The following TMCO6 variants were observed in gnomAD, a reference collection of about 807,000 sequenced individuals.
TMCO6 encodes transmembrane and coiled-coil domain-containing protein 6.
In TMCO6, 47 loss-of-function variants were observed where a neutral mutation model predicts 61.8. The ratio of observed to expected loss-of-function variants is 0.76; its 90% CI spans 0.60 to 0.97. The LOEUF is 0.97. TMCO6 is among the 50% of genes least tolerant of loss of function. The probability of loss-of-function intolerance (pLI) is 0.00; values close to 1 mark genes in which losing one functional copy is unlikely to be tolerated. For missense variants in TMCO6, 557 were observed against 601.6 expected (o/e 0.93, Z 0.78); for synonymous variants, 261 against 254.2 (o/e 1.03, Z -0.25).
intron 7 of TMCO6, 144 bp downstream of exon 7, chr5:140,643,185 C>T (rs1183660454): frequency 1.7e-6 from 2 of 1,191,908 alleles, no homozygotes; most frequent in Non-Finnish European, 2.3e-6. Context: ...AGGAGACCCA[C>T]AGACCTTAGC....
downstream of TMCO6, among the ~76,000 whole-genome samples, chr5:140,646,301 G>A (rs543839584): frequency 3.3e-5 from 5 of 152,018 alleles, no homozygotes; most frequent in Admixed American, 6.6e-5. Context: ...GTGAACCACC[G>A]CACCCAGCTG....
intron 2 of TMCO6, chr5:140,641,264 T>TA (rs528842887): frequency 2.5e-5 from 4 of 162,886 alleles, no homozygotes; most frequent in East Asian, 3.5e-4. Context: ...CTCGGAAATG[T>TA]AAAAAAAAGA....
At chr5:140,604,954 C>A in the TMCO6 span, among the ~76,000 whole-genome samples, 1 of 152,088 alleles carries the variant, frequency 6.6e-6, no homozygotes, top group Admixed American at 6.5e-5. Context: ...AATATTAAGT[C>A]TTCCAATGCA....
upstream of TMCO6, among the ~76,000 whole-genome samples, chr5:140,637,974 C>CCTTTCTTTCTTTCTTTCTTTCTTT (rs202156970): frequency 4.0e-5 from 6 of 150,408 alleles, no homozygotes; most frequent in African/African-American, 1.5e-4. Flanking sequence ...TTCTTTTCTC[C>CCTTTCTTTCTTTCTTTCTTTCTTT]CTTTCTTTCT....
the TMCO6 span, among the ~76,000 whole-genome samples, chr5:140,630,269 G>A: frequency 6.6e-6 from 1 of 151,946 alleles, no homozygotes; most frequent in South Asian, 2.1e-4. Context: ...TGGGATTATA[G>A]GCATGAGCCA....
the TMCO6 span, chr5:140,632,167 T>G: frequency 1.9e-6 from 3 of 1,614,044 alleles, no homozygotes; most frequent in South Asian, 3.3e-5. The surrounding 1 kb of genome is among the most constrained non-coding windows in gnomAD (Gnocchi z 6.2). Flanking sequence ...CTGGACCACA[T>G]GCATCTCGGA....
chr5:140,642,576 C>G lies in TMCO6; in HGVS notation c.604-10C>G. On this transcript the variant is annotated splice_polypyrimidine_tract_variant and intron_variant, in intron 5 of 11. Coordinates refer to ENST00000394671, the MANE Select transcript of TMCO6 (RefSeq NM_018502.5). The stretch of plus-strand genomic sequence containing the variant: ...GCTTCCAGTCAGATCCTTACCCTGT[C>G]TACTTCCAGTCCCCCCATGTGGCTG... 3 of 1,614,164 alleles carry G rather than the reference C, an allele frequency of 1.9e-6. No individual in the cohort carries two copies. The highest frequency in any genetic ancestry group is 2.5e-6 in the Non-Finnish European group (3 of 1,179,984).
the TMCO6 span, chr5:140,632,466 T>C: frequency 6.2e-7 from 1 of 1,614,170 alleles, no homozygotes; most frequent in African/African-American, 1.3e-5. The surrounding 1 kb of genome is among the most constrained non-coding windows in gnomAD (Gnocchi z 6.2). Flanking sequence ...GCTCAGTACC[T>C]TGAGGCCTGG....
Position 140,639,841 on chromosome 5 carries a change from G to A in TMCO6, c.188G>A (p.Gly63Glu). ...AGEGCVAAIL[G>E]ETEVQQFLRQ... ...GAGGGATGTGTGGCTGCGATCCTCG[G>A]GGAAACCGAGGTGAGGGGGCAAGGT... is the stretch of plus-strand genomic sequence containing the variant. The change falls in exon 2 of 12, where the codon GGG becomes GAG. Residue 63 changes from glycine to glutamate, a missense_variant. Gly to Glu is a moderately conservative substitution (Grantham distance 98). Coordinates refer to ENST00000394671, the MANE Select transcript of TMCO6 (RefSeq NM_018502.5). 1.2e-6 allele frequency: 2 copies of A among 1,604,898 alleles called. No individual in the cohort carries two copies. Among genetic ancestry groups the A allele is most frequent in the Non-Finnish European group, 1.7e-6 (2 of 1,176,646 alleles).
the TMCO6 span, chr5:140,631,835 T>C: frequency 6.6e-7 from 1 of 1,522,184 alleles, no homozygotes; most frequent in East Asian, 2.3e-5. Flanking sequence ...TTTGAGTCCA[T>C]TCATTATTCT....
chr5:140,597,094 A>G, the TMCO6 span, among the ~76,000 whole-genome samples: 2 of 152,096 alleles, frequency 1.3e-5, no homozygotes, highest in African/African-American at 2.4e-5. Flanking sequence ...ATCACAGGCC[A>G]CCCCCTAGCC....
the TMCO6 span, among the ~76,000 whole-genome samples, chr5:140,604,780 C>CTTTTTTTTTT: frequency 8.0e-6 from 1 of 124,724 alleles, no homozygotes; most frequent in African/African-American, 2.9e-5. Flanking sequence ...TGTCATTTCT[C>CTTTTTTTTTT]TTTTTTTTTT....
the TMCO6 span, among the ~76,000 whole-genome samples, chr5:140,615,502 A>G: frequency 3.3e-5 from 5 of 152,226 alleles, no homozygotes; most frequent in Non-Finnish European, 7.4e-5. Context: ...TGGGAAAAAA[A>G]AGAACCAAGT....
At chr5:140,635,759 G>A (rs917771843), upstream of TMCO6, among the ~76,000 whole-genome samples, 1 of 152,190 alleles carries the variant, frequency 6.6e-6, no homozygotes, top group African/African-American at 2.4e-5. Flanking sequence ...AAAGGCTTGT[G>A]TTGTTGGGGG....
chr5:140,615,338 CTT>C, the TMCO6 span, among the ~76,000 whole-genome samples: 57 of 152,126 alleles, frequency 3.7e-4, no homozygotes, highest in Middle Eastern at 6.8e-3. Flanking sequence ...CATTGGTAGT[CTT>C]AATATTTTTA....
chr5:140,600,896 C>T, the TMCO6 span, among the ~76,000 whole-genome samples: 3 of 152,194 alleles, frequency 2.0e-5, no homozygotes, highest in African/African-American at 4.8e-5. Context: ...TTCAAACATA[C>T]GAATTTTAAT....
chr5:140,644,524 T>C (rs894512912), intron 10 of TMCO6, 49 bp from the exon 11 acceptor site: 8 of 1,595,286 alleles, frequency 5.0e-6, no homozygotes, highest in Admixed American at 1.7e-5. Context: ...GCTATTGTTA[T>C]GATCTTTGTG....
downstream of TMCO6, chr5:140,646,918 T>C: frequency 4.6e-6 from 1 of 218,958 alleles, no homozygotes; most frequent in South Asian, 8.8e-5. Context: ...ATTACTGAGA[T>C]TCTCACACAC....
Position 140,639,816 on chromosome 5 carries a change from G to A in TMCO6, c.163G>A (p.Glu55Lys). ...AAACGACGCCCCAGAGGAAGCTGGA[G>A]AGGGATGTGTGGCTGCGATCCTCGG... is the stretch of plus-strand genomic sequence containing the variant. ...LRNDAPEEAG[E>K]GCVAAILGET... The change falls in exon 2 of 12, where the codon GAG (glutamate) becomes AAG (lysine). Residue 55 changes from glutamate (E) to lysine (K), a missense_variant. Coordinates refer to ENST00000394671, the MANE Select transcript of TMCO6 (RefSeq NM_018502.5). 2 of 1,609,914 alleles carry A rather than the reference G, an allele frequency of 1.2e-6. No homozygotes were observed. The highest frequency in any genetic ancestry group is 8.5e-7 in the Non-Finnish European group (1 of 1,178,696).
Sources: gnomAD v4.1 joint callset for allele counts (sites outside exome capture counted in the v4.1 genomes callset) on GRCh38, gnomAD v4.1.1 for gene constraint, Gnocchi (gnomAD v3.1) non-coding constraint, MANE v1.5 for transcripts, NCBI Gene and HGNC (gene_info 2026-07-23, HGNC 2026-07-21) for gene names.